KRIT1: variants seen among roughly 807,000 people sequenced by gnomAD.
KRIT1 encodes KRIT1 ankyrin repeat containing.
KRIT1 carries 45 observed loss-of-function variants against 95.8 expected under a neutral mutation model. The observed-to-expected ratio is 0.47, with a 90% confidence interval of 0.37 to 0.60. The LOEUF is 0.60. Among genes scored for constraint, KRIT1 ranks in the 20% least tolerant of loss-of-function variants. The pLI is 0.00. For missense variants in KRIT1, 788 were observed against 877.5 expected, an observed-to-expected ratio of 0.90 and a Z score of 1.29; for synonymous variants, 282 against 278.8, an observed-to-expected ratio of 1.01 and a Z score of -0.11.
At chr7:92,234,372 G>C in intron 10 of KRIT1, 77 bp downstream of exon 10, 1 of 1,139,172 alleles carries the variant, frequency 8.8e-7, no homozygotes, top group Non-Finnish European at 1.3e-6. Context: ...AATGAGAACA[G>C]TCTTGAAAAG....
At chr7:92,232,593 T>C (rs1184442983) in intron 10 of KRIT1, among the ~76,000 whole-genome samples, 1 of 152,076 alleles carries the variant, frequency 6.6e-6, no homozygotes, top group East Asian at 1.9e-4. Context: ...TCAACTAAAA[T>C]TCACTGCCTT....
intron 3 of KRIT1, 59 bp from the exon 4 acceptor site, chr7:92,242,196 AT>A: frequency 1.0e-6 from 1 of 983,866 alleles, no homozygotes; most frequent in Non-Finnish European, 1.6e-6. Context: ...TGATGGCAAG[AT>A]AAAAAAAAGT....
At chr7:92,237,637 A>T (rs1798696724) in intron 6 of KRIT1, 30 bp downstream of exon 6, 1 of 1,308,380 alleles carries the variant, frequency 7.6e-7, no homozygotes, top group Non-Finnish European at 1.1e-6. Flanking sequence ...TAAAGTATAT[A>T]AAGATTTGTA....
chr7:92,201,697 C>A (rs185289442), intron 17 of KRIT1: 56 of 358,448 alleles, frequency 1.6e-4, no homozygotes, highest in African/African-American at 1.1e-3. Context: ...CCCCCTACCC[C>A]CTGAGAGACC....
chr7:92,199,161 T>C (rs959352427), downstream of KRIT1: 4 of 152,192 alleles, frequency 2.6e-5, no homozygotes, highest in African/African-American at 9.7e-5. Context: ...AACAGGGTAT[T>C]TGGTAACAGT....
chr7:92,223,667 C>T (rs905879673), intron 12 of KRIT1, among the ~76,000 whole-genome samples: 1 of 151,990 alleles, frequency 6.6e-6, no homozygotes, highest in African/African-American at 2.4e-5. Flanking sequence ...AAGTACTTCA[C>T]GAGTCTAGTG....
rs757170915 is a variant in KRIT1 at position 92,226,556 on chromosome 7, C to A, written c.1116G>T (p.Gln372His). 12 of 1,612,972 alleles carry A rather than the reference C, an allele frequency of 7.4e-6. No individual in the cohort carries two copies. The highest frequency in any genetic ancestry group is 1.0e-5 in the Non-Finnish European group (12 of 1,179,144). Residue 372 changes from glutamine (Q) to histidine (H), a missense_variant, in exon 11 of 19, where the codon CAG becomes CAT. This residue lies in a region of KRIT1 where 493 missense variants were observed against 582.3 expected (regional missense o/e 0.85). Coordinates refer to ENST00000394505, the MANE Select transcript of KRIT1 (RefSeq NM_194454.3). ...AAGGGHAEIV[Q>H]ILLNHPETDR... ...CCGTTTCTGGGTGGTTTAGGAGAATCTGTACTATTTCAGCATGTCCTCCTC... is the reference window on the plus strand; with the variant it reads ...CCGTTTCTGGGTGGTTTAGGAGAATATGTACTATTTCAGCATGTCCTCCTC...
intron 17 of KRIT1, among the ~76,000 whole-genome samples, chr7:92,212,655 C>T (rs1021771420): frequency 9.2e-5 from 14 of 152,218 alleles, no homozygotes; most frequent in Admixed American, 7.2e-4. Flanking sequence ...TGATCTCAGA[C>T]TTCCAGTTTC....
chr7:92,206,422 C>A (rs1018450775), intron 17 of KRIT1: 27 of 152,520 alleles, frequency 1.8e-4, no homozygotes, highest in African/African-American at 6.0e-4. Context: ...CTACAGCCTT[C>A]ATTAACAACC....
At chr7:92,204,620 G>A (rs1790965279) in intron 17 of KRIT1, among the ~76,000 whole-genome samples, 1 of 151,986 alleles carries the variant, frequency 6.6e-6, no homozygotes, top group Admixed American at 6.6e-5. Context: ...TAAGGGGCAT[G>A]AAACCTAGAT....
rs538718341 is a variant in KRIT1 at position 92,215,995 on chromosome 7, C to T, written c.1564-1218G>A. 1.9e-3 allele frequency among the ~76,000 whole-genome samples: 283 copies of T among 151,924 alleles called. 2 individuals are homozygous for T. The highest frequency in any genetic ancestry group is 0.014 in the South Asian group (69 of 4,814). On this transcript the variant is annotated intron_variant, in intron 14 of 18. Coordinates refer to ENST00000394505, the MANE Select transcript of KRIT1 (RefSeq NM_194454.3). ...CTGTAATCCTAGCACTTTGGGAGGC[C>T]GAGGTGGGCGGATCACGAGGCCAGG...
rs952750084 is a variant in KRIT1 at position 92,199,890 on chromosome 7, C to A, written c.*846G>T. ...CTAGGTAATTATGATGCAAGGAGTT[C>A]ATGAACTATACTTTGAGAAACACTA... On this transcript the variant is annotated 3_prime_UTR_variant, in exon 19 of 19. Transcript: ENST00000394505. 6.6e-6 allele frequency: 1 copy of A among 152,124 alleles called. No homozygotes were observed. The allele number at this position is 152,124 out of a possible 1,614,324, so 9.4% of individuals were successfully genotyped here. A position where few individuals can be genotyped will look rare whatever the true frequency, so the allele number is the denominator to read the frequency against.
intron 17 of KRIT1, among the ~76,000 whole-genome samples, chr7:92,207,124 A>T (rs912950399): frequency 1.3e-5 from 2 of 152,146 alleles, no homozygotes; most frequent in Non-Finnish European, 1.5e-5. Context: ...AAGTCTTGTA[A>T]GAGATGCAGA....
intron 18 of KRIT1, among the ~76,000 whole-genome samples, chr7:92,201,060 C>A (rs998666466): frequency 6.6e-6 from 1 of 152,094 alleles, no homozygotes; most frequent in Admixed American, 6.5e-5. Flanking sequence ...ATAGATGAGA[C>A]AGGTAATACT....
Position 92,214,731 on chromosome 7 carries a change from T to C in KRIT1, c.1610A>G (p.Tyr537Cys). 4.4e-6 allele frequency: 7 copies of C among 1,607,136 alleles called. No homozygotes were observed. Among genetic ancestry groups the C allele is most frequent in the Non-Finnish European group, 6.0e-6 (7 of 1,173,728 alleles). ...TGTATAAAAGCCCTTCAATAAATTA[T>C]ATCTGGCTTCATCAAAGAGAATAAG... is the stretch of plus-strand genomic sequence containing the variant. ...AILILFDEAR[Y>C]NLLKGFYTAP... Residue 537 changes from tyrosine (Y) to cysteine (C), a missense_variant, in exon 15 of 19, where the codon TAT becomes TGT. Tyr to Cys is a radical substitution (Grantham distance 194). Transcript: ENST00000394505.
rs1229649376 is a variant in KRIT1 at position 92,241,194 on chromosome 7, C to T, written c.103-42G>A. On this transcript the variant is annotated intron_variant, in intron 4 of 18. Coordinates refer to ENST00000394505, the MANE Select transcript of KRIT1 (RefSeq NM_194454.3). ...ATTAAGAGAAAGCTTAAAATAAAGT[C>T]TACTTGCCCTAGAATACTACAATAA... 3 of 1,405,308 alleles carry T rather than the reference C, an allele frequency of 2.1e-6. No individual in the cohort carries two copies. The Admixed American group carries it at 5.4e-5, about 25-fold the overall frequency. 87.1% of individuals were successfully genotyped at this position (1,405,308 alleles called of 1,614,324 possible). A position where few individuals can be genotyped will look rare whatever the true frequency, so the allele number is the denominator to read the frequency against.
intron 10 of KRIT1, among the ~76,000 whole-genome samples, chr7:92,233,776 T>C (rs1360660868): frequency 3.3e-5 from 5 of 152,266 alleles, no homozygotes; most frequent in East Asian, 1.9e-4. Context: ...ACAGAAATAA[T>C]GTAAAAAACT....
chr7:92,228,272 A>C (rs947795611), intron 10 of KRIT1, among the ~76,000 whole-genome samples: 2 of 152,272 alleles, frequency 1.3e-5, no homozygotes, highest in African/African-American at 4.8e-5. Context: ...ATACGCACAC[A>C]GTGAGTCAAC....
chr7:92,201,584 G>A (rs909698949), intron 17 of KRIT1, 161 bp from the exon 18 acceptor site: 86 of 598,304 alleles, frequency 1.4e-4, no homozygotes, highest in Admixed American at 5.1e-5. Context: ...CGTGCAGAAT[G>A]TGCAGTTTTG....
Sources: gnomAD v4.1 joint callset for allele counts (sites outside exome capture counted in the v4.1 genomes callset) on GRCh38, gnomAD v4.1.1 for gene constraint, gnomAD v4.1.1 regional missense constraint, MANE v1.5 for transcripts, NCBI Gene and HGNC (gene_info 2026-07-23, HGNC 2026-07-21) for gene names.